The following PTPRJ variants were observed in gnomAD, a reference collection of about 807,000 sequenced individuals.
PTPRJ encodes receptor-type tyrosine-protein phosphatase eta.
Under a neutral mutation model 141.3 loss-of-function variants are expected in PTPRJ, and 129 were observed. That is an observed-to-expected ratio of 0.91 (90% CI 0.79 to 1.06). PTPRJ has a LOEUF of 1.06. PTPRJ is among the 50% of genes least tolerant of loss of function. The pLI, the probability that PTPRJ is intolerant of heterozygous loss-of-function variation, is 0.00. For missense variants in PTPRJ, 1,601 were observed against 1,679.7 expected, an observed-to-expected ratio of 0.95 and a Z score of 0.82; for synonymous variants, 610 against 640.5, an observed-to-expected ratio of 0.95 and a Z score of 0.72.
At chr11:48,065,858 C>T (rs1228413882) in intron 1 of PTPRJ, among the ~76,000 whole-genome samples, 2 of 152,230 alleles carry the variant, frequency 1.3e-5, no homozygotes, top group African/African-American at 4.8e-5. Context: ...GGATTTGAAC[C>T]CAGGCAGCTG....
chr11:48,090,037 T>C (rs1424988752), intron 1 of PTPRJ, among the ~76,000 whole-genome samples: 4 of 152,232 alleles, frequency 2.6e-5, no homozygotes, highest in Non-Finnish European at 5.9e-5. Context: ...GTTGTTATTA[T>C]TCAGGAAAAT....
At chr11:48,116,241 T>TA (rs1856564395) in intron 3 of PTPRJ, among the ~76,000 whole-genome samples, 4 of 152,112 alleles carry the variant, frequency 2.6e-5, no homozygotes, top group Admixed American at 6.5e-5. Context: ...TACTCCATGC[T>TA]AATGGAAATC....
At chr11:48,088,267 A>G (rs1855768603) in intron 1 of PTPRJ, among the ~76,000 whole-genome samples, 2 of 152,300 alleles carry the variant, frequency 1.3e-5, no homozygotes, top group South Asian at 2.1e-4. Flanking sequence ...GAGCACTGGG[A>G]GGCTGCCTTT....
At position 48,168,012 on chromosome 11, in the gene PTPRJ, T is replaced by C. The variant is rs1857960214; in HGVS notation, c.*650T>C. ...TCAGAGGTTTGCTTCCTCAGTAACA[T>C]TTCTGTTCTCATTTGATCAGGGGAG... On this transcript the variant is annotated 3_prime_UTR_variant, in exon 25 of 25. Coordinates refer to ENST00000418331, the MANE Select transcript of PTPRJ (RefSeq NM_002843.4). 6.6e-6 allele frequency: 1 copy of C among 152,136 alleles called. No individual in the cohort carries two copies. Among genetic ancestry groups the C allele is most frequent in the African/African-American group, 2.4e-5 (1 of 41,420 alleles). 9.4% of individuals were successfully genotyped at this position (152,136 alleles called of 1,614,324 possible). A position where few individuals can be genotyped will look rare whatever the true frequency, so the allele number is the denominator to read the frequency against.
chr11:48,092,267 C>A (rs1401499693), intron 1 of PTPRJ, among the ~76,000 whole-genome samples: 1 of 122,118 alleles, frequency 8.2e-6, no homozygotes, highest in African/African-American at 3.3e-5. Context: ...TGCACTCCAG[C>A]CTGGGCCACA....
chr11:48,139,896 A>G (rs967681457), intron 11 of PTPRJ, 120 bp downstream of exon 11: 42 of 1,106,798 alleles, frequency 3.8e-5, no homozygotes, highest in Non-Finnish European at 5.2e-5. Flanking sequence ...TTCCCCTAAA[A>G]TATTTGCTTT....
At chr11:47,997,912 A>C (rs971995109) in intron 1 of PTPRJ, among the ~76,000 whole-genome samples, 1 of 152,182 alleles carries the variant, frequency 6.6e-6, no homozygotes, top group Non-Finnish European at 1.5e-5. Context: ...AATGCCTTCC[A>C]GCCGGTGACA....
rs1261284907 is a variant in PTPRJ at position 48,158,383 on chromosome 11, C to G, written c.3439-1547C>G. ...GTGAATGGGGAAGGGAGTGTATTTT[C>G]TGCACTAGATTCTCCATATATGTTA... On this transcript the variant is annotated intron_variant, in intron 21 of 24. Transcript: ENST00000418331. The surrounding 1 kb of genome is among the most constrained non-coding windows in gnomAD (Gnocchi z 4.4). Among the ~76,000 whole-genome samples, 1 of 151,986 alleles carries G rather than the reference C, an allele frequency of 6.6e-6. No homozygotes were observed. Among genetic ancestry groups the G allele is most frequent in the Non-Finnish European group, 1.5e-5 (1 of 67,972 alleles).
chr11:48,151,098 CT>C (rs1286487622), intron 18 of PTPRJ, among the ~76,000 whole-genome samples: 1 of 152,096 alleles, frequency 6.6e-6, no homozygotes, highest in African/African-American at 2.4e-5. Context: ...ATATTCTAAC[CT>C]TTGTATTAGT....
At chr11:48,150,063 T>A in intron 17 of PTPRJ, 33 bp from the exon 18 acceptor site, 1 of 1,578,018 alleles carries the variant, frequency 6.3e-7, no homozygotes, top group Non-Finnish European at 8.7e-7. Flanking sequence ...CTTCACTGAA[T>A]GTAAAAAATC....
At chr11:47,989,476 C>T (rs1460334393) in intron 1 of PTPRJ, among the ~76,000 whole-genome samples, 1 of 151,676 alleles carries the variant, frequency 6.6e-6, no homozygotes, top group Non-Finnish European at 1.5e-5. Context: ...TCCTTAGGAA[C>T]CATGTTGGCC....
intron 1 of PTPRJ, among the ~76,000 whole-genome samples, chr11:47,982,725 G>C (rs1490002634): frequency 6.6e-6 from 1 of 151,462 alleles, no homozygotes; most frequent in East Asian, 1.9e-4. Context: ...TCCAGCCATA[G>C]TGGTTGCTAG....
chr11:48,121,040 C>T lies in PTPRJ; in HGVS notation c.390C>T (p.Ile130=), dbSNP rs1410926242. The T allele has an allele frequency of 6.2e-7, 1 of 1,610,130 alleles. No individual in the cohort carries two copies. Among genetic ancestry groups the T allele is most frequent in the Non-Finnish European group, 8.5e-7 (1 of 1,178,036 alleles). The change falls in exon 4 of 25, where the codon ATC becomes ATT. Residue 130 remains isoleucine (I), a synonymous_variant. Transcript: ENST00000418331. Reference sequence around the variant, plus strand: ...TGTTTGACATTAAAGCTGTTTCCATCAGTCCAACCAATGTGATCTTAACTT... The same window carrying T: ...TGTTTGACATTAAAGCTGTTTCCATTAGTCCAACCAATGTGATCTTAACTT... The part of the protein sequence containing the change: ...SPVFDIKAVS[I]SPTNVILTWK...
At position 48,169,635 on chromosome 11, in the gene PTPRJ, C is replaced by G. The variant is rs1278043164; in HGVS notation, c.*2273C>G. 1 of 152,204 alleles carries G rather than the reference C, an allele frequency of 6.6e-6. No individual in the cohort carries two copies. Among genetic ancestry groups the G allele is most frequent in the Non-Finnish European group, 1.5e-5 (1 of 68,048 alleles). 9.4% of individuals were successfully genotyped at this position (152,204 alleles called of 1,614,324 possible). The stretch of plus-strand genomic sequence containing the variant: ...TGGCAAATCCCAGGGAGCTCCTAAG[C>G]CCTGCTCTGCCCACATCACTGCCAC... On this transcript the variant is annotated 3_prime_UTR_variant, in exon 25 of 25. Coordinates refer to ENST00000418331, the MANE Select transcript of PTPRJ (RefSeq NM_002843.4).
intron 1 of PTPRJ, among the ~76,000 whole-genome samples, chr11:47,994,520 C>T (rs1045460842): frequency 6.6e-6 from 1 of 151,942 alleles, no homozygotes; most frequent in Non-Finnish European, 1.5e-5. Flanking sequence ...TGGTGGTGCA[C>T]GCTTGTGGTC....
chr11:48,163,983 C>T (rs934450878), intron 23 of PTPRJ, among the ~76,000 whole-genome samples: 1 of 152,180 alleles, frequency 6.6e-6, no homozygotes, highest in Non-Finnish European at 1.5e-5. Flanking sequence ...AAAAGTTTGC[C>T]AACCCCTAAC....
At chr11:47,999,703 G>C (rs1015906602) in intron 1 of PTPRJ, among the ~76,000 whole-genome samples, 7 of 152,078 alleles carry the variant, frequency 4.6e-5, no homozygotes, top group African/African-American at 1.7e-4. Context: ...GAACCACTGA[G>C]ACCAAAACTC....
chr11:48,156,477 A>C (rs986604852), intron 21 of PTPRJ, among the ~76,000 whole-genome samples: 1 of 151,860 alleles, frequency 6.6e-6, no homozygotes, highest in Non-Finnish European at 1.5e-5. Context: ...TCATGTCTCT[A>C]AGCAACCGGT....
chr11:48,138,163 A>T (rs1021735596), intron 10 of PTPRJ, among the ~76,000 whole-genome samples: 1 of 152,160 alleles, frequency 6.6e-6, no homozygotes, highest in Non-Finnish European at 1.5e-5. Context: ...CCTCCCTGGT[A>T]GTATAGGAGC....
Sources: gnomAD v4.1 joint callset for allele counts (sites outside exome capture counted in the v4.1 genomes callset) on GRCh38, gnomAD v4.1.1 for gene constraint, Gnocchi (gnomAD v3.1) non-coding constraint, MANE v1.5 for transcripts, NCBI Gene and HGNC (gene_info 2026-07-23, HGNC 2026-07-21) for gene names.